TRPC4: variants seen among roughly 807,000 people sequenced by gnomAD.
TRPC4 encodes the protein short transient receptor potential channel 4.
In TRPC4, 49 loss-of-function variants were observed where a neutral mutation model predicts 99.4. The ratio of observed to expected loss-of-function variants is 0.49; its 90% CI spans 0.39 to 0.63. The LOEUF is 0.63. Ranked by LOEUF, TRPC4 falls within the 20% of genes least tolerant of loss-of-function variation. The pLI is 0.00. For missense variants in TRPC4, 898 were observed against 1,152.9 expected (o/e 0.78, Z 3.20); for synonymous variants, 454 against 425.9 (o/e 1.07, Z -0.81).
At chr13:37,661,463 A>G (rs1952435691) in intron 6 of TRPC4, among the ~76,000 whole-genome samples, 1 of 152,188 alleles carries the variant, frequency 6.6e-6, no homozygotes. Flanking sequence ...TTTTCCCTGA[A>G]ATAAAGAGGA....
intron 1 of TRPC4, among the ~76,000 whole-genome samples, chr13:37,835,975 T>A (rs994095657): frequency 2.0e-5 from 3 of 151,984 alleles, no homozygotes; most frequent in Non-Finnish European, 4.4e-5. Flanking sequence ...TGTGGGAGGG[T>A]CCCAGTGGGA....
chr13:37,726,246 A>C (rs1233522141), intron 3 of TRPC4, among the ~76,000 whole-genome samples: 2 of 151,996 alleles, frequency 1.3e-5, no homozygotes, highest in Admixed American at 1.3e-4. Flanking sequence ...ACAATTCCAC[A>C]TTTTGTTTTC....
At chr13:37,676,074 C>T (rs4943529) in intron 4 of TRPC4, among the ~76,000 whole-genome samples, 93,085 of 151,944 alleles carry the variant, frequency 0.61, 29,506 homozygotes, top group East Asian at 0.8. Flanking sequence ...TCTACACTAA[C>T]TTAGAAGAGA....
intron 8 of TRPC4, among the ~76,000 whole-genome samples, chr13:37,640,686 CAT>C (rs1344209677): frequency 2.2e-4 from 33 of 152,238 alleles, no homozygotes; most frequent in African/African-American, 7.7e-4. Context: ...GTGTCTGACT[CAT>C]ATTGAGACAT....
chr13:37,828,323 G>A (rs1030387025), intron 1 of TRPC4, among the ~76,000 whole-genome samples: 2 of 152,104 alleles, frequency 1.3e-5, no homozygotes, highest in Non-Finnish European at 2.9e-5. Context: ...TTTTTAAAAA[G>A]CCAAAAAATA....
Position 37,639,744 on chromosome 13 carries a change from C to CATATATATAT in TRPC4, c.2080-455_2080-446dup, listed in dbSNP as rs59528300. Among the ~76,000 whole-genome samples the CATATATATAT allele has an allele frequency of 3.7e-4, 54 of 146,832 alleles. 1 individual carries two copies. The highest frequency in any genetic ancestry group is 3.5e-3 in the Middle Eastern group (1 of 286). ...CTCATTAGTCACTGAACTCTCCAAT[C>CATATATATAT]ATATATATATATATATAATATCAAT... On this transcript the variant is annotated intron_variant, in intron 8 of 10. Coordinates refer to ENST00000379705, the MANE Select transcript of TRPC4 (RefSeq NM_016179.4).
intron 3 of TRPC4, among the ~76,000 whole-genome samples, chr13:37,712,378 A>C (rs916970066): frequency 6.6e-6 from 1 of 152,174 alleles, no homozygotes; most frequent in Non-Finnish European, 1.5e-5. Flanking sequence ...AGACTTTAGA[A>C]ATGGGATGTC....
At chr13:37,750,762 T>C (rs1341997053) in intron 2 of TRPC4, among the ~76,000 whole-genome samples, 28 of 152,108 alleles carry the variant, frequency 1.8e-4, no homozygotes, top group Admixed American at 1.8e-3. Context: ...ACCCGTCATC[T>C]ACATTAAGTA....
intron 5 of TRPC4, among the ~76,000 whole-genome samples, chr13:37,673,473 T>C (rs1441526012): frequency 1.4e-5 from 2 of 145,592 alleles, no homozygotes; most frequent in Non-Finnish European, 3.0e-5. Context: ...ATTCTTTATT[T>C]TTTTTTTTTT....
chr13:37,799,786 TG>T (rs1957355535), intron 1 of TRPC4, among the ~76,000 whole-genome samples: 1 of 152,242 alleles, frequency 6.6e-6, no homozygotes, highest in African/African-American at 2.4e-5. Context: ...AGACTTCAGG[TG>T]ATTTTATACT....
chr13:37,863,493 C>T (rs1566233348), intron 1 of TRPC4, among the ~76,000 whole-genome samples: 1 of 151,450 alleles, frequency 6.6e-6, no homozygotes, highest in African/African-American at 2.4e-5. Context: ...TATTCCTGTA[C>T]ATATTGGGCT....
At chr13:37,670,708 G>T (rs978944355) in intron 5 of TRPC4, among the ~76,000 whole-genome samples, 3 of 152,072 alleles carry the variant, frequency 2.0e-5, no homozygotes, top group African/African-American at 7.2e-5. Context: ...GACCTAAATG[G>T]ATCCTTATAA....
intron 1 of TRPC4, among the ~76,000 whole-genome samples, chr13:37,854,480 T>C (rs536954408): frequency 6.6e-6 from 1 of 152,002 alleles, no homozygotes; most frequent in East Asian, 1.9e-4. Flanking sequence ...AAAAGAATCA[T>C]CTAAAGATAA....
At chr13:37,677,309 G>A (rs1185295023) in intron 4 of TRPC4, among the ~76,000 whole-genome samples, 1 of 151,994 alleles carries the variant, frequency 6.6e-6, no homozygotes, top group Non-Finnish European at 1.5e-5. Context: ...AGAACAGATA[G>A]CAATGGGGGT....
intron 4 of TRPC4, among the ~76,000 whole-genome samples, chr13:37,687,610 T>C (rs1489122551): frequency 1.3e-5 from 2 of 152,222 alleles, no homozygotes; most frequent in Non-Finnish European, 2.9e-5. Flanking sequence ...GCTCTAGTTT[T>C]CATGTAATTT....
chr13:37,645,233 A>G (rs1162545566), intron 8 of TRPC4, among the ~76,000 whole-genome samples: 1 of 152,142 alleles, frequency 6.6e-6, no homozygotes, highest in Non-Finnish European at 1.5e-5. Context: ...CGTTTGGATC[A>G]GAGAACTCAT....
intron 1 of TRPC4, among the ~76,000 whole-genome samples, chr13:37,834,757 C>T (rs530970041): frequency 1.3e-5 from 2 of 152,144 alleles, no homozygotes; most frequent in Non-Finnish European, 2.9e-5. Context: ...GACAGAGTCT[C>T]GCTCTGTCAC....
intron 1 of TRPC4, among the ~76,000 whole-genome samples, chr13:37,812,180 A>AAAAAAAAAC (rs1555276066): frequency 1.4e-5 from 2 of 145,652 alleles, no homozygotes; most frequent in Non-Finnish European, 3.0e-5. Context: ...CTCTATCAAA[A>AAAAAAAAAC]AAAAAAAAAA....
intron 1 of TRPC4, among the ~76,000 whole-genome samples, chr13:37,787,293 C>T (rs1190984005): frequency 1.3e-5 from 2 of 151,976 alleles, no homozygotes; most frequent in Non-Finnish European, 2.9e-5. Context: ...GAAACAACTC[C>T]TATTTGTTAT....
Sources: gnomAD v4.1 joint callset for allele counts (sites outside exome capture counted in the v4.1 genomes callset) on GRCh38, gnomAD v4.1.1 for gene constraint, MANE v1.5 for transcripts, NCBI Gene and HGNC (gene_info 2026-07-23, HGNC 2026-07-21) for gene names.